The following NPSR1 variants were observed in gnomAD, a reference collection of about 807,000 sequenced individuals.
NPSR1 encodes neuropeptide S receptor.
In NPSR1, 48 loss-of-function variants were observed where a neutral mutation model predicts 46.9. The ratio of observed to expected loss-of-function variants is 1.02; its 90% confidence interval spans 0.81 to 1.30. The LOEUF (loss-of-function observed/expected upper bound fraction) is 1.30, where lower values mean the gene tolerates loss of function less well. Ranked by LOEUF, NPSR1 falls within the 50% of genes most tolerant of loss-of-function variation. NPSR1 has a pLI of 0.00. For missense variants in NPSR1, 450 were observed against 449.5 expected, an observed-to-expected ratio of 1.00 and a Z score of -0.01; for synonymous variants, 176 against 168.1, an observed-to-expected ratio of 1.05 and a Z score of -0.36.
chr7:34,777,426 C>T (rs1044939487), intron 2 of NPSR1, among the ~76,000 whole-genome samples: 2 of 151,738 alleles, frequency 1.3e-5, no homozygotes, highest in African/African-American at 4.8e-5. Flanking sequence ...GAATGCTCTC[C>T]ACACCCTGCT....
chr7:34,789,329 A>G (rs1297533400), intron 3 of NPSR1, among the ~76,000 whole-genome samples: 1 of 152,062 alleles, frequency 6.6e-6, no homozygotes, highest in Non-Finnish European at 1.5e-5. Flanking sequence ...GAATAGAAAA[A>G]CAATAGAAAA....
At chr7:34,824,835 C>T (rs1789745401) in intron 4 of NPSR1, among the ~76,000 whole-genome samples, 1 of 152,098 alleles carries the variant, frequency 6.6e-6, no homozygotes, top group Non-Finnish European at 1.5e-5. Flanking sequence ...TAATGTCACC[C>T]AGGACCATAG....
rs10257063 is a variant in NPSR1 at position 34,734,015 on chromosome 7, T to G, written c.281-44447T>G. On this transcript the variant is annotated intron_variant, in intron 2 of 8. Coordinates refer to ENST00000360581, the MANE Select transcript of NPSR1 (RefSeq NM_207172.2). ...AGTCATAGTCATGGGAGTGACAGAA[T>G]CAGATTGGTGTTTTACAAATATTCC... is the stretch of plus-strand genomic sequence containing the variant. Among the ~76,000 whole-genome samples the G allele has an allele frequency of 1.6e-3, 247 of 152,226 alleles. 2 individuals are homozygous for G. The highest frequency in any genetic ancestry group is 5.8e-3 in the African/African-American group (241 of 41,544).
intron 3 of NPSR1, among the ~76,000 whole-genome samples, chr7:34,783,572 AC>A (rs1381116549): frequency 6.6e-6 from 1 of 152,138 alleles, no homozygotes. Flanking sequence ...GATGAGAGAG[AC>A]AAAAAAAATA....
chr7:34,723,659 C>A (rs556216683), intron 2 of NPSR1, among the ~76,000 whole-genome samples: 3 of 152,172 alleles, frequency 2.0e-5, no homozygotes, highest in South Asian at 2.1e-4. Flanking sequence ...CAAAAGAATT[C>A]TTTTGCACTT....
At chr7:34,743,951 G>A (rs1012960989) in intron 2 of NPSR1, among the ~76,000 whole-genome samples, 2 of 152,098 alleles carry the variant, frequency 1.3e-5, no homozygotes, top group Admixed American at 6.5e-5. Flanking sequence ...GAATACATGT[G>A]TTCAGCCGAT....
intron 2 of NPSR1, among the ~76,000 whole-genome samples, chr7:34,703,087 C>CTGGGATTACA (rs1466315436): frequency 6.6e-6 from 1 of 152,174 alleles, no homozygotes; most frequent in Non-Finnish European, 1.5e-5. Flanking sequence ...CGGCCAGGCG[C>CTGGGATTACA]GGTGGCTCAT....
intron 8 of NPSR1, among the ~76,000 whole-genome samples, chr7:34,858,619 T>G (rs982993040): frequency 1.4e-4 from 21 of 152,018 alleles, no homozygotes; most frequent in Middle Eastern, 3.4e-3. Context: ...AGTTCCACAT[T>G]GCTGGGGAGG....
chr7:34,708,885 G>A (rs1167360189), intron 2 of NPSR1, among the ~76,000 whole-genome samples: 1 of 152,132 alleles, frequency 6.6e-6, no homozygotes. Context: ...TAAACTTCAG[G>A]ACCTTTAAAG....
At chr7:34,792,714 T>TA (rs1562733400) in intron 3 of NPSR1, among the ~76,000 whole-genome samples, 29 of 128,086 alleles carry the variant, frequency 2.3e-4, no homozygotes, top group African/African-American at 8.0e-4. Flanking sequence ...TATATATATA[T>TA]TTATATATAT....
At chr7:34,755,709 A>T (rs1013132684) in intron 2 of NPSR1, among the ~76,000 whole-genome samples, 6 of 152,048 alleles carry the variant, frequency 3.9e-5, no homozygotes, top group African/African-American at 7.2e-5. Flanking sequence ...TACTTTTTTT[A>T]AATGTCCTAA....
chr7:34,834,081 T>C (rs563003839), intron 5 of NPSR1: 15 of 389,110 alleles, frequency 3.9e-5, no homozygotes, highest in African/African-American at 3.1e-4. Flanking sequence ...TTTTTCTGAC[T>C]CTAAGGCCTG....
intron 8 of NPSR1, among the ~76,000 whole-genome samples, chr7:34,860,187 T>C (rs1351500482): frequency 6.6e-6 from 1 of 151,650 alleles, no homozygotes; most frequent in Non-Finnish European, 1.5e-5. Flanking sequence ...ATGTGATGTC[T>C]TGGAACAAGG....
chr7:34,756,105 G>A (rs1785825111), intron 2 of NPSR1, among the ~76,000 whole-genome samples: 1 of 152,118 alleles, frequency 6.6e-6, no homozygotes, highest in Admixed American at 6.6e-5. Flanking sequence ...TGCTAGACAT[G>A]GGGAGGAGAA....
At chr7:34,830,711 A>C (rs534774832) in intron 5 of NPSR1, among the ~76,000 whole-genome samples, 1 of 152,366 alleles carries the variant, frequency 6.6e-6, no homozygotes, top group African/African-American at 2.4e-5. Flanking sequence ...GAAAAAGCAC[A>C]AATAACTAAC....
chr7:34,802,408 G>A (rs1788466713), intron 3 of NPSR1, among the ~76,000 whole-genome samples: 1 of 149,752 alleles, frequency 6.7e-6, no homozygotes, highest in Non-Finnish European at 1.5e-5. Flanking sequence ...CAGAAATAAC[G>A]CCGCATATCT....
intron 2 of NPSR1, chr7:34,751,401 A>T: frequency 9.7e-7 from 1 of 1,028,038 alleles, no homozygotes; most frequent in Non-Finnish European, 1.6e-6. Context: ...TGTAGACTTT[A>T]AGCAAGAGTG....
At chr7:34,774,449 C>T (rs958074272) in intron 2 of NPSR1, among the ~76,000 whole-genome samples, 1 of 152,158 alleles carries the variant, frequency 6.6e-6, no homozygotes. Context: ...CTGTGGGACA[C>T]GTCTGAGTGT....
intron 2 of NPSR1, among the ~76,000 whole-genome samples, chr7:34,692,033 AGCT>A (rs1793289821): frequency 6.6e-6 from 1 of 152,226 alleles, no homozygotes; most frequent in Non-Finnish European, 1.5e-5. Flanking sequence ...TGCAAGGCTG[AGCT>A]GGAAGGATTG....
Sources: gnomAD v4.1 joint callset for allele counts (sites outside exome capture counted in the v4.1 genomes callset) on GRCh38, gnomAD v4.1.1 for gene constraint, MANE v1.5 for transcripts, NCBI Gene and HGNC (gene_info 2026-07-23, HGNC 2026-07-21) for gene names.